The following SPATS2 variants were observed in gnomAD, a reference collection of about 807,000 sequenced individuals.
SPATS2 encodes spermatogenesis associated serine rich 2, also known as spermatogenesis-associated serine-rich protein 2.
A neutral mutation model predicts 63.7 loss-of-function variants in SPATS2; 38 were observed. The ratio of observed to expected loss-of-function variants is 0.60; its 90% CI spans 0.46 to 0.78. The LOEUF (loss-of-function observed/expected upper bound fraction) is 0.78, where lower values mean the gene tolerates loss of function less well. SPATS2 is among the 30% of genes least tolerant of loss of function. The probability of loss-of-function intolerance (pLI) is 0.00; values close to 1 mark genes in which losing one functional copy is unlikely to be tolerated. For missense variants in SPATS2, 588 were observed against 666.2 expected (o/e 0.88, Z 1.29); for synonymous variants, 207 against 232.9 (o/e 0.89, Z 1.01).
In SPATS2 at chr12:49,516,189, AT is replaced by A. The variant is rs1565760903; in HGVS notation, c.898+1577del. 1.8e-3 allele frequency among the ~76,000 whole-genome samples: 194 copies of A among 105,266 alleles called. 24 individuals carry two copies. The highest frequency in any genetic ancestry group is 3.9e-3 in the African/African-American group (114 of 29,516). 69.1% of individuals were successfully genotyped at this position (105,266 alleles called of 152,430 possible). Reference sequence around the variant, plus strand: ...AAAATATATATATATATATATATATATATATATATATATATATATAAATCAG... The same window carrying A: ...AAAATATATATATATATATATATATAATATATATATATATATATAAATCAG... On this transcript the variant is annotated intron_variant, in intron 10 of 13. Coordinates refer to ENST00000552918, the MANE Select transcript of SPATS2 (RefSeq NM_023071.4).
At chr12:49,369,217 G>A (rs1460281637) in intron 1 of SPATS2, among the ~76,000 whole-genome samples, 1 of 151,660 alleles carries the variant, frequency 6.6e-6, no homozygotes, top group Admixed American at 6.6e-5. Flanking sequence ...TAGTAGAGAC[G>A]GGGGTTTCAC....
chr12:49,512,984 T>C, intron 9 of SPATS2: 3 of 1,184,534 alleles, frequency 2.5e-6, no homozygotes, highest in Non-Finnish European at 3.3e-6. Flanking sequence ...GCTTTTGGAT[T>C]AATATGTCAA....
At chr12:49,507,187 C>T (rs1946668619) in intron 9 of SPATS2, among the ~76,000 whole-genome samples, 1 of 152,124 alleles carries the variant, frequency 6.6e-6, no homozygotes, top group Non-Finnish European at 1.5e-5. Context: ...TTCTGGGATT[C>T]TTCAGGTCAG....
intron 2 of SPATS2, among the ~76,000 whole-genome samples, chr12:49,426,940 C>G (rs1945088582): frequency 6.6e-6 from 1 of 152,188 alleles, no homozygotes. Flanking sequence ...ACAGATAATG[C>G]TGCTGTAAAC....
intron 2 of SPATS2, among the ~76,000 whole-genome samples, chr12:49,440,039 A>C (rs529413330): frequency 6.6e-6 from 1 of 152,346 alleles, no homozygotes; most frequent in African/African-American, 2.4e-5. Context: ...AGTTACGAGA[A>C]TAATACAAAG....
intron 2 of SPATS2, among the ~76,000 whole-genome samples, chr12:49,388,300 G>T (rs1414980711): frequency 1.3e-5 from 2 of 151,884 alleles, no homozygotes; most frequent in Non-Finnish European, 2.9e-5. Context: ...TATTTAATGT[G>T]ATTACTGATA....
Position 49,497,022 on chromosome 12 carries a change from C to T in SPATS2, c.703+13C>T. ...AGTAAAAAGCTAAGTAAGTCAGAGG[C>T]CCACCTGTGAGAGAAAATGAAAAAT... On this transcript the variant is annotated intron_variant, in intron 8 of 13. Coordinates refer to ENST00000552918, the MANE Select transcript of SPATS2 (RefSeq NM_023071.4). 1.3e-6 allele frequency: 2 copies of T among 1,506,450 alleles called. No individual in the cohort carries two copies. The highest frequency in any genetic ancestry group is 1.8e-4 in the Middle Eastern group (1 of 5,580). The allele number at this position is 1,506,450 out of a possible 1,614,324, so 93.3% of individuals were successfully genotyped here.
intron 3 of SPATS2, among the ~76,000 whole-genome samples, chr12:49,477,237 CT>C: frequency 6.6e-6 from 1 of 152,280 alleles, no homozygotes; most frequent in East Asian, 1.9e-4. Flanking sequence ...CGTAAAAACC[CT>C]GATGTTTCCA....
chr12:49,495,388 G>A (rs1226031434), intron 7 of SPATS2, among the ~76,000 whole-genome samples: 1 of 151,874 alleles, frequency 6.6e-6, no homozygotes, highest in East Asian at 1.9e-4. Context: ...TAGTAGAGAT[G>A]GGGTTTCACC....
chr12:49,506,837 A>T (rs974897816), intron 9 of SPATS2, among the ~76,000 whole-genome samples: 5 of 126,954 alleles, frequency 3.9e-5, no homozygotes, highest in African/African-American at 6.9e-5. Flanking sequence ...CTGTCTCTTT[A>T]AAAAAAAAAA....
At position 49,479,358 on chromosome 12, in the gene SPATS2, C is replaced by A. The variant is rs181365045; in HGVS notation, c.26-5232C>A. ...CTGCCTCCTGCTGCCATTCATAGCA[C>A]CCTGGCTCAGCCAACTTTGCTGAGA... is the stretch of plus-strand genomic sequence containing the variant. On this transcript the variant is annotated intron_variant, in intron 3 of 13. Transcript: ENST00000552918. 3.1e-3 allele frequency among the ~76,000 whole-genome samples: 469 copies of A among 152,342 alleles called. 1 individual carries two copies. The highest frequency in any genetic ancestry group is 0.01 in the Middle Eastern group (3 of 294).
At chr12:49,453,467 G>A (rs942239994) in intron 2 of SPATS2, among the ~76,000 whole-genome samples, 2 of 151,978 alleles carry the variant, frequency 1.3e-5, no homozygotes, top group Non-Finnish European at 2.9e-5. Flanking sequence ...GTGGCTGCTG[G>A]TTGCTGATGT....
chr12:49,371,564 T>C (rs1167548377), intron 2 of SPATS2, among the ~76,000 whole-genome samples: 1 of 152,180 alleles, frequency 6.6e-6, no homozygotes, highest in Non-Finnish European at 1.5e-5. Flanking sequence ...TCCATTCTCA[T>C]ATTGCTGTAA....
In SPATS2 at chr12:49,494,954, G is replaced by A. The variant is rs201106925; in HGVS notation, c.478G>A (p.Glu160Lys). The A allele has an allele frequency of 1.1e-4, 173 of 1,613,854 alleles. No homozygotes were observed. Among genetic ancestry groups the A allele is most frequent in the Non-Finnish European group, 1.4e-4 (167 of 1,179,942 alleles). ...GLETLSIDAR[E>K]LEDPESAMLD... Reference sequence around the variant, plus strand: ...GGAGACACTTTCAATAGATGCCAGAGAATTGGAGGATCCCGAGTCTGCCAT... The same window carrying A: ...GGAGACACTTTCAATAGATGCCAGAAAATTGGAGGATCCCGAGTCTGCCAT... Residue 160 changes from glutamate to lysine, a missense_variant, in exon 7 of 14, where the codon GAA becomes AAA. Physicochemically the swap from Glu to Lys is moderately conservative, Grantham distance 56. Coordinates refer to ENST00000552918, the MANE Select transcript of SPATS2 (RefSeq NM_023071.4).
chr12:49,445,749 G>A (rs117254657), intron 2 of SPATS2, among the ~76,000 whole-genome samples: 1,799 of 152,156 alleles, frequency 0.012, 24 homozygotes, highest in Middle Eastern at 0.031. Context: ...CAAGACTCCT[G>A]AGCTCAAGTG....
chr12:49,431,754 T>G (rs1235994188), intron 2 of SPATS2, among the ~76,000 whole-genome samples: 2 of 151,952 alleles, frequency 1.3e-5, no homozygotes, highest in African/African-American at 4.8e-5. Flanking sequence ...CTTGCTAGGG[T>G]GGGTGTGATA....
chr12:49,380,579 G>A (rs1430512579), intron 2 of SPATS2, among the ~76,000 whole-genome samples: 4 of 152,122 alleles, frequency 2.6e-5, no homozygotes, highest in South Asian at 4.1e-4. Context: ...GGTGGCGTGC[G>A]CCTGTAATCC....
chr12:49,410,507 A>G (rs375192185), intron 2 of SPATS2, among the ~76,000 whole-genome samples: 4 of 152,168 alleles, frequency 2.6e-5, no homozygotes, highest in South Asian at 4.2e-4. Flanking sequence ...CATACTTACT[A>G]TCTAATTTTT....
intron 2 of SPATS2, among the ~76,000 whole-genome samples, chr12:49,449,219 G>GTTTT (rs987465867): frequency 7.2e-5 from 11 of 152,070 alleles, no homozygotes; most frequent in African/African-American, 2.2e-4. Flanking sequence ...TTGTTTGTTT[G>GTTTT]TTTGTTTGTT....
Sources: gnomAD v4.1 joint callset for allele counts (sites outside exome capture counted in the v4.1 genomes callset) on GRCh38, gnomAD v4.1.1 for gene constraint, MANE v1.5 for transcripts, NCBI Gene and HGNC (gene_info 2026-07-23, HGNC 2026-07-21) for gene names.